Variants in DLG1 observed in about 807,000 individuals in gnomAD.
DLG1 encodes discs large MAGUK scaffold protein 1.
In DLG1, 42 loss-of-function variants were observed where a neutral mutation model predicts 123.4. That is an observed-to-expected ratio of 0.34 (90% CI 0.27 to 0.44). The LOEUF is 0.44. DLG1 is among the 20% of genes least tolerant of loss of function. DLG1 has a pLI of 1.00. For synonymous variants in DLG1, 317 were observed against 356.2 expected (o/e 0.89, Z 1.24); for missense variants, 942 against 1,082.6 (o/e 0.87, Z 1.82).
At chr3:197,212,176 C>T (rs1163755855) in intron 4 of DLG1, among the ~76,000 whole-genome samples, 1 of 145,902 alleles carries the variant, frequency 6.9e-6, no homozygotes, top group Non-Finnish European at 1.5e-5. Context: ...ATCTGTTCAC[C>T]TATGTAACAA....
chr3:197,085,783 A>C (rs1753978167), intron 15 of DLG1, 27 bp from the exon 16 acceptor site: 1 of 1,594,716 alleles, frequency 6.3e-7, no homozygotes, highest in South Asian at 1.1e-5. Context: ...AAAAGTCCAT[A>C]ATCACTTGTT....
intron 4 of DLG1, among the ~76,000 whole-genome samples, chr3:197,213,754 G>C (rs1288670206): frequency 2.6e-5 from 4 of 152,106 alleles, no homozygotes; most frequent in Non-Finnish European, 4.4e-5. Context: ...TTGGATAAAG[G>C]CTCATTATTT....
intron 19 of DLG1, among the ~76,000 whole-genome samples, chr3:197,067,456 C>T (rs536938726): frequency 3.3e-5 from 5 of 150,894 alleles, no homozygotes; most frequent in East Asian, 1.9e-4. Context: ...ATTAAAGGTT[C>T]GGAGCTTAGG....
At chr3:197,158,649 A>C (rs904405305) in intron 5 of DLG1, among the ~76,000 whole-genome samples, 1 of 123,630 alleles carries the variant, frequency 8.1e-6, no homozygotes, top group Non-Finnish European at 1.7e-5. Context: ...AAAAAAAAAA[A>C]AAAAAAAAGC....
chr3:197,081,167 G>T, intron 16 of DLG1, 50 bp from the exon 17 acceptor site: 1 of 1,535,270 alleles, frequency 6.5e-7, no homozygotes, highest in South Asian at 1.2e-5. Context: ...CATATCTGGG[G>T]TCTTACTAGA....
chr3:197,275,639 CAAAG>C (rs985729013), intron 4 of DLG1, among the ~76,000 whole-genome samples: 4 of 152,082 alleles, frequency 2.6e-5, no homozygotes, highest in Admixed American at 6.6e-5. Context: ...ATAAGCCAGA[CAAAG>C]AAAGGCAAAT....
intron 22 of DLG1, among the ~76,000 whole-genome samples, chr3:197,062,738 T>C (rs181152670): frequency 1.3e-5 from 2 of 152,326 alleles, no homozygotes; most frequent in East Asian, 3.9e-4. Context: ...GGGCCCCAGA[T>C]ATTCTCATGG....
intron 6 of DLG1, among the ~76,000 whole-genome samples, chr3:197,147,432 GCACACACACACACACACACACA>G (rs67643945): frequency 4.1e-5 from 6 of 147,194 alleles, no homozygotes; most frequent in African/African-American, 1.5e-4. Context: ...TATATGGTGT[GCACACACACACACACACACACA>G]CACACACACA....
At chr3:197,190,851 A>G (rs1719010542) in intron 5 of DLG1, among the ~76,000 whole-genome samples, 1 of 152,186 alleles carries the variant, frequency 6.6e-6, no homozygotes. Flanking sequence ...TCTACTAAAA[A>G]TACAAAATAT....
chr3:197,267,219 A>G (rs1234420811), intron 4 of DLG1, among the ~76,000 whole-genome samples: 1 of 152,216 alleles, frequency 6.6e-6, no homozygotes, highest in Non-Finnish European at 1.5e-5. Context: ...AAATAACACA[A>G]AATGAAGGAA....
rs1741240550 is a variant in DLG1 at position 197,068,415 on chromosome 3, GA to G, written c.2047+803del. 27 of 902,824 alleles carry G rather than the reference GA, an allele frequency of 3.0e-5. No individual in the cohort carries two copies. In the South Asian group the frequency reaches 3.6e-4, roughly 12 times the overall value. The allele number at this position is 902,824 out of a possible 1,614,324, so 55.9% of individuals were successfully genotyped here. On this transcript the variant is annotated intron_variant, in intron 19 of 24. Coordinates refer to ENST00000667157, the MANE Select transcript of DLG1 (RefSeq NM_001366207.1). ...AAAATCATTAAGTAACTATTGTGTA[GA>G]AAAATAATCAACCAAATGAATGACG...
chr3:197,117,517 G>A (rs998699787), intron 12 of DLG1, among the ~76,000 whole-genome samples: 8 of 152,190 alleles, frequency 5.3e-5, no homozygotes, highest in Admixed American at 5.2e-4. Context: ...ATGAAATTCT[G>A]ATACATGCTA....
At chr3:197,129,732 T>C (rs1464025135) in intron 11 of DLG1, among the ~76,000 whole-genome samples, 1 of 152,172 alleles carries the variant, frequency 6.6e-6, no homozygotes, top group Non-Finnish European at 1.5e-5. Context: ...TGTAGATTTA[T>C]TAACTGGCCT....
chr3:197,253,542 C>G (rs1197362576), intron 4 of DLG1, among the ~76,000 whole-genome samples: 1 of 152,212 alleles, frequency 6.6e-6, no homozygotes, highest in East Asian at 1.9e-4. Flanking sequence ...CCATCAATTT[C>G]ACTCCCCGGC....
chr3:197,177,266 TC>T (rs1266912101), intron 5 of DLG1, among the ~76,000 whole-genome samples: 2 of 152,120 alleles, frequency 1.3e-5, no homozygotes, highest in African/African-American at 4.8e-5. Context: ...AGCGTTTCCA[TC>T]CAAACTGTGA....
intron 4 of DLG1, among the ~76,000 whole-genome samples, chr3:197,232,547 T>C (rs971719639): frequency 6.6e-6 from 1 of 152,150 alleles, no homozygotes; most frequent in Admixed American, 6.5e-5. Context: ...TTTGTTATCA[T>C]GGGTCTGAAA....
chr3:197,107,889 G>C (rs112009899), intron 13 of DLG1, among the ~76,000 whole-genome samples: 1,617 of 150,712 alleles, frequency 0.011, 29 homozygotes, highest in African/African-American at 0.037. Flanking sequence ...CCCTTGTCTT[G>C]TTCCTGATTT....
At chr3:197,110,978 C>CT (rs771492197) in intron 13 of DLG1, among the ~76,000 whole-genome samples, 1 of 152,072 alleles carries the variant, frequency 6.6e-6, no homozygotes, top group Non-Finnish European at 1.5e-5. Flanking sequence ...ATGTGTGTGG[C>CT]CTTCTGGTTC....
chr3:197,045,158 T>C (rs1008054829), intron 24 of DLG1, among the ~76,000 whole-genome samples: 1 of 152,042 alleles, frequency 6.6e-6, no homozygotes, highest in South Asian at 2.1e-4. Flanking sequence ...TGATTACAGA[T>C]TGATACTACT....
Sources: allele counts gnomAD v4.1 joint callset (sites outside exome capture counted in the v4.1 genomes callset), GRCh38; gene constraint gnomAD v4.1.1; transcripts MANE v1.5; gene names NCBI Gene and HGNC (gene_info 2026-07-23, HGNC 2026-07-21).